Variants in ITGB3BP observed in about 807,000 individuals in gnomAD.
The protein encoded by ITGB3BP is centromere protein R.
Under a neutral mutation model 29.1 loss-of-function variants are expected in ITGB3BP, and 27 were observed. That is an observed-to-expected ratio of 0.93 (90% CI 0.68 to 1.28). The LOEUF is 1.28. Among genes scored for constraint, ITGB3BP ranks in the 50% most tolerant of loss-of-function variants. The pLI is 0.00. For synonymous variants in ITGB3BP, 61 were observed against 61.4 expected (o/e 0.99, Z 0.03); for missense variants, 192 against 200.2 (o/e 0.96, Z 0.25).
chr1:63,471,240 T>C (rs547649251), intron 4 of ITGB3BP, among the ~76,000 whole-genome samples: 2 of 151,356 alleles, frequency 1.3e-5, no homozygotes, highest in Admixed American at 6.6e-5. Flanking sequence ...TTTTGCCTAA[T>C]CCAAGGTCCA....
chr1:63,447,018 A>G, intron 7 of ITGB3BP, 162 bp from the exon 8 acceptor site: 3 of 591,746 alleles, frequency 5.1e-6, no homozygotes, highest in Non-Finnish European at 6.1e-6. Flanking sequence ...TCATTTCAAC[A>G]TGCTATAGTT....
Position 63,454,250 on chromosome 1 carries a change from A to G in ITGB3BP, c.427+130T>C. The G allele has an allele frequency of 2.0e-6, 1 of 506,950 alleles. No individual in the cohort carries two copies. Among genetic ancestry groups the G allele is most frequent in the Non-Finnish European group, 3.5e-6 (1 of 284,004 alleles). 31.4% of individuals were successfully genotyped at this position (506,950 alleles called of 1,614,324 possible). ...ATAAAAGACATGTGGCTTCTTATTTAAAGAAGGTAATAGTATTTTTATCAC... is the reference window on the plus strand; with the variant it reads ...ATAAAAGACATGTGGCTTCTTATTTGAAGAAGGTAATAGTATTTTTATCAC... On this transcript the variant is annotated intron_variant, in intron 6 of 8. Transcript: ENST00000271002. This position sits in a 1 kb window ranked among gnomAD's most constrained non-coding sequence, Gnocchi z 4.1.
chr1:63,457,217 T>C (rs547999086), intron 4 of ITGB3BP: 14 of 152,310 alleles, frequency 9.2e-5, no homozygotes, highest in African/African-American at 3.4e-4. Flanking sequence ...AAAATTCTTT[T>C]TTTTCAAGGC....
chr1:63,466,294 C>T (rs1296003629), intron 4 of ITGB3BP, among the ~76,000 whole-genome samples: 1 of 152,174 alleles, frequency 6.6e-6, no homozygotes, highest in Non-Finnish European at 1.5e-5. Flanking sequence ...GAAATGGTGA[C>T]ATTTTGGAAA....
intron 3 of ITGB3BP, among the ~76,000 whole-genome samples, chr1:63,479,956 T>TA (rs1453586870): frequency 2.6e-5 from 4 of 152,216 alleles, no homozygotes; most frequent in African/African-American, 9.6e-5. Flanking sequence ...TTTGAATATA[T>TA]ACTCAGTAGT....
intron 1 of ITGB3BP, 68 bp from the exon 2 acceptor site, chr1:63,508,638 G>T: frequency 1.5e-6 from 1 of 680,046 alleles, no homozygotes; most frequent in South Asian, 2.2e-5. Flanking sequence ...CAATAATTAA[G>T]GGAAGATATA....
chr1:63,475,768 C>T (rs1428211598), intron 4 of ITGB3BP, among the ~76,000 whole-genome samples: 2 of 151,956 alleles, frequency 1.3e-5, no homozygotes, highest in Admixed American at 6.6e-5. Context: ...GAGGCTGAGG[C>T]GGGCAGATCA....
intron 4 of ITGB3BP, among the ~76,000 whole-genome samples, chr1:63,461,066 C>T (rs1379365046): frequency 1.4e-5 from 2 of 145,444 alleles, no homozygotes; most frequent in East Asian, 2.0e-4. Flanking sequence ...GGTGAAACCC[C>T]GTCTCTACTA....
intron 7 of ITGB3BP, 55 bp downstream of exon 7, chr1:63,453,863 T>G (rs769544601): frequency 7.6e-6 from 8 of 1,052,492 alleles, no homozygotes; most frequent in Non-Finnish European, 1.2e-5. Flanking sequence ...TAGTTTTAAT[T>G]GGCAAAATGG....
chr1:63,522,853 T>A (rs1315353761), intron 1 of ITGB3BP: 1 of 602,306 alleles, frequency 1.7e-6, no homozygotes, highest in Non-Finnish European at 3.1e-6. Context: ...CTTATTTATG[T>A]TATTTCAAGT....
At chr1:63,476,211 T>C (rs1645337688) in intron 4 of ITGB3BP, among the ~76,000 whole-genome samples, 1 of 151,672 alleles carries the variant, frequency 6.6e-6, no homozygotes, top group Non-Finnish European at 1.5e-5. Context: ...TCACCCAGGC[T>C]GTAGTACAGT....
chr1:63,483,318 A>G (rs1645472704), intron 3 of ITGB3BP, among the ~76,000 whole-genome samples: 1 of 152,160 alleles, frequency 6.6e-6, no homozygotes, highest in Non-Finnish European at 1.5e-5. Flanking sequence ...TTTACAGGTA[A>G]GATATTTGAC....
At chr1:63,517,410 A>T (rs1646357837) in intron 1 of ITGB3BP, among the ~76,000 whole-genome samples, 1 of 151,450 alleles carries the variant, frequency 6.6e-6, no homozygotes, top group African/African-American at 2.4e-5. Flanking sequence ...AAAAATAAAT[A>T]AAAAATAAAT....
chr1:63,493,891 A>C (rs1428698783), intron 2 of ITGB3BP, among the ~76,000 whole-genome samples: 1 of 152,214 alleles, frequency 6.6e-6, no homozygotes, highest in African/African-American at 2.4e-5. Context: ...GCCTATGCTA[A>C]AATATTTAAA....
chr1:63,471,751 C>T lies in ITGB3BP; in HGVS notation c.254+7013G>A, dbSNP rs185124593. ...GGTATCTGTTAAAACTTCTTACTCC[C>T]TTAATTCTACTTCTTAGATTGTGGA... On this transcript the variant is annotated intron_variant, in intron 4 of 8. Transcript: ENST00000271002. Among the ~76,000 whole-genome samples the T allele has an allele frequency of 7.6e-3, 1,157 of 152,258 alleles. 11 individuals carry two copies. The highest frequency in any genetic ancestry group is 0.013 in the Non-Finnish European group (893 of 68,018).
chr1:63,484,608 G>T (rs1452723903), intron 3 of ITGB3BP, among the ~76,000 whole-genome samples: 1 of 152,062 alleles, frequency 6.6e-6, no homozygotes, highest in African/African-American at 2.4e-5. Context: ...TAGAGTGTGA[G>T]CTGTATGACT....
upstream of ITGB3BP, chr1:63,528,030 A>C (rs762786955): frequency 6.6e-6 from 1 of 152,212 alleles, no homozygotes; most frequent in East Asian, 1.9e-4. Context: ...AGGCTTCTCA[A>C]AAAACTAAAA....
At chr1:63,463,082 C>T (rs907509715) in intron 4 of ITGB3BP, among the ~76,000 whole-genome samples, 4 of 151,598 alleles carry the variant, frequency 2.6e-5, no homozygotes, top group East Asian at 1.9e-4. Context: ...GGTGAAACCC[C>T]GTCTCTACTA....
chr1:63,451,909 T>C (rs1041573091), intron 7 of ITGB3BP: 22 of 152,082 alleles, frequency 1.4e-4, no homozygotes, highest in Non-Finnish European at 1.5e-5. Context: ...AACATACTTA[T>C]ATAGATACTA....
Sources: allele counts gnomAD v4.1 joint callset (sites outside exome capture counted in the v4.1 genomes callset), GRCh38; gene constraint gnomAD v4.1.1; non-coding constraint Gnocchi (gnomAD v3.1); transcripts MANE v1.5; gene names NCBI Gene and HGNC (gene_info 2026-07-23, HGNC 2026-07-21).